Variants in CACNB4 observed in about 807,000 individuals in gnomAD.
CACNB4 encodes calcium voltage-gated channel auxiliary subunit beta 4, also known as voltage-dependent L-type calcium channel subunit beta-4.
In CACNB4, 32 loss-of-function variants were observed where a neutral mutation model predicts 71.2. The ratio of observed to expected loss-of-function variants is 0.45; its 90% CI spans 0.34 to 0.60. CACNB4 has a LOEUF of 0.60. CACNB4 is among the 20% of genes least tolerant of loss of function. The pLI, the probability that CACNB4 is intolerant of heterozygous loss-of-function variation, is 0.01. For missense variants in CACNB4, 464 were observed against 647.9 expected (o/e 0.72, Z 3.08); for synonymous variants, 231 against 236.9 (o/e 0.97, Z 0.23).
chr2:151,853,690 G>A, intron 11 of CACNB4, 147 bp from the exon 12 acceptor site: 1 of 543,556 alleles, frequency 1.8e-6, no homozygotes, highest in South Asian at 2.4e-5. Context: ...AACCTGTAAT[G>A]ATGTCATCTG....
intron 2 of CACNB4, among the ~76,000 whole-genome samples, chr2:152,058,658 T>A (rs544426781): frequency 6.6e-6 from 1 of 152,174 alleles, no homozygotes; most frequent in Non-Finnish European, 1.5e-5. Context: ...TTTGGAAAAT[T>A]TGCAGCCTGA....
chr2:152,041,412 G>A (rs1684867173), intron 2 of CACNB4, among the ~76,000 whole-genome samples: 1 of 152,176 alleles, frequency 6.6e-6, no homozygotes, highest in Admixed American at 6.5e-5. Context: ...TGTAATGGGG[G>A]CTATAAATTT....
intron 2 of CACNB4, among the ~76,000 whole-genome samples, chr2:151,907,818 T>C (rs2099855176): frequency 6.6e-6 from 1 of 152,220 alleles, no homozygotes; most frequent in East Asian, 1.9e-4. Context: ...GAAAGTCCTC[T>C]TCACTGGCTG....
intron 2 of CACNB4, among the ~76,000 whole-genome samples, chr2:152,002,955 G>C (rs555541610): frequency 6.6e-6 from 1 of 152,288 alleles, no homozygotes; most frequent in Admixed American, 6.5e-5. Flanking sequence ...GAAAATTTGA[G>C]AGCCCCAATT....
chr2:151,896,852 T>C (rs1369924775), intron 2 of CACNB4, among the ~76,000 whole-genome samples: 2 of 152,238 alleles, frequency 1.3e-5, no homozygotes, highest in African/African-American at 4.8e-5. Flanking sequence ...ACTTAAGAGA[T>C]AGATTTCATT....
intron 2 of CACNB4, among the ~76,000 whole-genome samples, chr2:152,084,104 A>T (rs1199942333): frequency 1.3e-5 from 2 of 152,200 alleles, no homozygotes; most frequent in Non-Finnish European, 2.9e-5. Context: ...GACATGAATG[A>T]GTACAAAAGT....
At chr2:151,973,436 T>C in intron 2 of CACNB4, 2 of 560,888 alleles carry the variant, frequency 3.6e-6, no homozygotes, top group Admixed American at 6.2e-5. Flanking sequence ...GCCTACACTC[T>C]TGAATGCTTT....
At chr2:151,843,283 C>T (rs2099836692) in intron 12 of CACNB4, among the ~76,000 whole-genome samples, 1 of 152,224 alleles carries the variant, frequency 6.6e-6, no homozygotes. Context: ...AAAGTCATTC[C>T]ACAGGTAAGT....
chr2:151,997,089 C>T (rs918961918), intron 2 of CACNB4, among the ~76,000 whole-genome samples: 2 of 152,154 alleles, frequency 1.3e-5, no homozygotes. Context: ...TGACCCCACA[C>T]CAAAAGATAC....
At position 152,038,603 on chromosome 2, in the gene CACNB4, A is replaced by G. The variant is rs1028033915; in HGVS notation, c.147+59727T>C. 3.2e-4 allele frequency among the ~76,000 whole-genome samples: 49 copies of G among 152,240 alleles called. 1 individual carries two copies. Among genetic ancestry groups the G allele is most frequent in the South Asian group, 4.1e-4 (2 of 4,832 alleles). On this transcript the variant is annotated intron_variant, in intron 2 of 13. Transcript: ENST00000539935. ...ACTCTGCTGCAGCCTGCTGGCTCGTATAACAGCTCATTAACAGCAGAGGCT... is the reference window on the plus strand; with the variant it reads ...ACTCTGCTGCAGCCTGCTGGCTCGTGTAACAGCTCATTAACAGCAGAGGCT...
At chr2:152,050,871 T>G (rs1047532307) in intron 2 of CACNB4, among the ~76,000 whole-genome samples, 1 of 151,876 alleles carries the variant, frequency 6.6e-6, no homozygotes, top group Admixed American at 6.6e-5. Context: ...ATCTACCGGG[T>G]TCAAGTGATC....
chr2:152,001,548 A>G (rs1389040339), intron 2 of CACNB4, among the ~76,000 whole-genome samples: 4 of 147,536 alleles, frequency 2.7e-5, no homozygotes, highest in Admixed American at 6.7e-5. Flanking sequence ...AAAAAAAAAA[A>G]AAAAAAAATA....
At chr2:151,989,425 G>T (rs556684777) in intron 2 of CACNB4, among the ~76,000 whole-genome samples, 1 of 152,080 alleles carries the variant, frequency 6.6e-6, no homozygotes, top group Admixed American at 6.5e-5. Context: ...CCTCTTTGTT[G>T]CAATTTCTAA....
chr2:152,058,956 T>C (rs183884534), intron 2 of CACNB4, among the ~76,000 whole-genome samples: 134 of 152,374 alleles, frequency 8.8e-4, no homozygotes, highest in African/African-American at 3.1e-3. Context: ...AGGTACAGCT[T>C]GGGCCATTGC....
Position 152,098,749 on chromosome 2 carries a change from G to A in CACNB4, c.63+200C>T, listed in dbSNP as rs975478758. ...GCGCAGAGACCCGAAGGAGGGTGAG[G>A]AGGAGGAGGAAGAGAAGGAGGAGAA... is the stretch of plus-strand genomic sequence containing the variant. On this transcript the variant is annotated intron_variant, in intron 1 of 13. Transcript: ENST00000539935. The surrounding 1 kb of genome is among the most constrained non-coding windows in gnomAD (Gnocchi z 5.3). 1.9e-5 allele frequency: 29 copies of A among 1,492,238 alleles called. No individual in the cohort carries two copies. Among genetic ancestry groups the A allele is most frequent in the African/African-American group, 2.8e-5 (2 of 71,686 alleles). 92.4% of individuals were successfully genotyped at this position (1,492,238 alleles called of 1,614,324 possible).
At position 151,834,247 on chromosome 2, in the gene CACNB4, C is replaced by T. The variant is rs1214525608; in HGVS notation, c.*4872G>A. Reference sequence around the variant, plus strand: ...TCAAATGAGGAAGTATCAGTGTATTCTCCCAAACCACTCTAAATTCATTAG... The same window carrying T: ...TCAAATGAGGAAGTATCAGTGTATTTTCCCAAACCACTCTAAATTCATTAG... On this transcript the variant is annotated 3_prime_UTR_variant, in exon 14 of 14. Transcript: ENST00000539935. 1 of 152,022 alleles carries T rather than the reference C, an allele frequency of 6.6e-6. No homozygotes were observed. The highest frequency in any genetic ancestry group is 1.9e-4 in the East Asian group (1 of 5,200). 9.4% of individuals were successfully genotyped at this position (152,022 alleles called of 1,614,324 possible). A position where few individuals can be genotyped will look rare whatever the true frequency, so the allele number is the denominator to read the frequency against.
At chr2:151,949,456 G>C (rs1013569779) in intron 2 of CACNB4, among the ~76,000 whole-genome samples, 1 of 145,750 alleles carries the variant, frequency 6.9e-6, no homozygotes, top group African/African-American at 2.6e-5. Flanking sequence ...GTGATGTTGA[G>C]TCAGGCCTTG....
At chr2:151,893,514 T>C (rs1010708542) in intron 2 of CACNB4, among the ~76,000 whole-genome samples, 2 of 152,130 alleles carry the variant, frequency 1.3e-5, no homozygotes, top group African/African-American at 4.8e-5. Flanking sequence ...AGTGCCGAGA[T>C]TACAGGCATG....
rs554089076 is a variant in CACNB4, at chr2:152,003,456, A to G, written c.147+94874T>C. On this transcript the variant is annotated intron_variant, in intron 2 of 13. Coordinates refer to ENST00000539935, the MANE Select transcript of CACNB4 (RefSeq NM_000726.5). ...CCAAGATTCCATCTAAAAAAAAAAA[A>G]AAAATCTCTACAGCTGTTCTCATAA... 3.3e-5 allele frequency among the ~76,000 whole-genome samples: 5 copies of G among 152,108 alleles called. No individual in the cohort carries two copies. The South Asian group carries it at 1.0e-3, about 32-fold the overall frequency.
Sources: gnomAD v4.1 joint callset for allele counts (sites outside exome capture counted in the v4.1 genomes callset) on GRCh38, gnomAD v4.1.1 for gene constraint, Gnocchi (gnomAD v3.1) non-coding constraint, MANE v1.5 for transcripts, NCBI Gene and HGNC (gene_info 2026-07-23, HGNC 2026-07-21) for gene names.